PAK1: variants seen among roughly 807,000 people sequenced by gnomAD.
The protein encoded by PAK1 is p21 (RAC1) activated kinase 1.
PAK1 carries 29 observed loss-of-function variants against 67.4 expected under a neutral mutation model. That is an observed-to-expected ratio of 0.43 (90% CI 0.32 to 0.59). PAK1 has a LOEUF of 0.59. Ranked by LOEUF, PAK1 falls within the 20% of genes least tolerant of loss-of-function variation. The pLI, the probability that PAK1 is intolerant of heterozygous loss-of-function variation, is 0.07. For missense variants in PAK1, 337 were observed against 670.7 expected (o/e 0.50, Z 5.50); for synonymous variants, 223 against 237.4 (o/e 0.94, Z 0.56).
intron 1 of PAK1, among the ~76,000 whole-genome samples, chr11:77,407,530 G>GAGT: frequency 6.6e-6 from 1 of 152,220 alleles, no homozygotes; most frequent in Non-Finnish European, 1.5e-5. Flanking sequence ...AATTTTTCAC[G>GAGT]GCTTGAAAAT....
At position 77,355,808 on chromosome 11, in the gene PAK1, A is replaced by G; in HGVS notation, c.632T>C (p.Val211Ala). The change falls in exon 7 of 15, where the codon GTC becomes GCC. Residue 211 changes from valine (V) to alanine (A), a missense_variant. Val to Ala is a moderately conservative substitution (Grantham distance 64). This residue lies in a region of PAK1 where 150 missense variants were observed against 179.0 expected (regional missense o/e 0.84). Transcript: ENST00000356341. ...YTRSVIEPLP[V>A]TPTRDVATSP... ...TGTAGCCACGTCCCGAGTTGGAGTGACAGGAAGTGGTTCAATCACAGACCG... is the reference window on the plus strand; with the variant it reads ...TGTAGCCACGTCCCGAGTTGGAGTGGCAGGAAGTGGTTCAATCACAGACCG... 1 of 1,613,724 alleles carries G rather than the reference A, an allele frequency of 6.2e-7. No homozygotes were observed. The highest frequency in any genetic ancestry group is 1.3e-5 in the African/African-American group (1 of 75,008).
chr11:77,351,719 T>C (rs1380453479), intron 8 of PAK1, among the ~76,000 whole-genome samples: 4 of 152,006 alleles, frequency 2.6e-5, no homozygotes, highest in African/African-American at 9.7e-5. Flanking sequence ...TGCAATCTTT[T>C]ATTTTCAGAA....
At chr11:77,512,488 T>C in the PAK1 span, among the ~76,000 whole-genome samples, 1 of 152,050 alleles carries the variant, frequency 6.6e-6, no homozygotes. Flanking sequence ...GGAGTGGGGA[T>C]GGGAGCTAGT....
chr11:77,515,877 G>C, the PAK1 span, among the ~76,000 whole-genome samples: 14 of 152,254 alleles, frequency 9.2e-5, no homozygotes, highest in East Asian at 2.7e-3. Flanking sequence ...ACTTTCTGAT[G>C]TTAGAAAATT....
intron 2 of PAK1, among the ~76,000 whole-genome samples, chr11:77,388,454 C>T (rs1451102931): frequency 1.3e-5 from 2 of 152,172 alleles, no homozygotes; most frequent in Non-Finnish European, 2.9e-5. Context: ...CCTGGGTTCA[C>T]GCCATTCTCC....
chr11:77,381,333 T>C (rs778824943), intron 2 of PAK1, among the ~76,000 whole-genome samples: 7 of 152,200 alleles, frequency 4.6e-5, no homozygotes, highest in Non-Finnish European at 5.9e-5. Context: ...CAGTTAAGAT[T>C]CCTTCCTGAG....
At chr11:77,361,852 A>G (rs1008835111) in intron 5 of PAK1, among the ~76,000 whole-genome samples, 21 of 152,178 alleles carry the variant, frequency 1.4e-4, no homozygotes, top group Admixed American at 1.2e-3. Flanking sequence ...GTTCATACAT[A>G]TATACTAATA....
intron 14 of PAK1, 85 bp downstream of exon 14, chr11:77,332,645 A>T: frequency 9.2e-7 from 1 of 1,083,252 alleles, no homozygotes; most frequent in Non-Finnish European, 1.4e-6. Context: ...GTTCTATAAT[A>T]TCCAGTACCT....
chr11:77,423,696 G>A (rs926416318), intron 1 of PAK1, among the ~76,000 whole-genome samples: 1 of 152,138 alleles, frequency 6.6e-6, no homozygotes, highest in African/African-American at 2.4e-5. Flanking sequence ...TCTGCAAAAG[G>A]CCAAATAGTA....
chr11:77,341,509 G>A (rs913612687), intron 10 of PAK1, among the ~76,000 whole-genome samples: 1 of 152,186 alleles, frequency 6.6e-6, no homozygotes, highest in African/African-American at 2.4e-5. Context: ...TCCCCAGAGA[G>A]ATTATGGGCT....
chr11:77,468,951 C>T (rs746622768), intron 1 of PAK1, among the ~76,000 whole-genome samples: 11 of 152,098 alleles, frequency 7.2e-5, no homozygotes, highest in Middle Eastern at 3.4e-3. Flanking sequence ...AGGGCTGTTA[C>T]GAAGATTGAA....
chr11:77,399,746 C>G (rs1952369376), intron 1 of PAK1, among the ~76,000 whole-genome samples: 1 of 144,146 alleles, frequency 6.9e-6, no homozygotes, highest in African/African-American at 2.5e-5. Flanking sequence ...GTAGTCCCAG[C>G]TACTTGGGAG....
intron 1 of PAK1, among the ~76,000 whole-genome samples, chr11:77,448,003 A>G (rs1020625520): frequency 1.3e-5 from 2 of 152,182 alleles, no homozygotes; most frequent in Admixed American, 6.5e-5. Context: ...ACACATCTAC[A>G]TACTCAATTT....
intron 5 of PAK1, among the ~76,000 whole-genome samples, chr11:77,361,998 AG>A (rs1342260761): frequency 1.3e-5 from 2 of 152,030 alleles, no homozygotes; most frequent in Admixed American, 6.6e-5. Flanking sequence ...AAAACACTGT[AG>A]AACACAAATG....
intron 2 of PAK1, among the ~76,000 whole-genome samples, chr11:77,386,823 G>A (rs1307373941): frequency 6.6e-6 from 1 of 152,144 alleles, no homozygotes; most frequent in Non-Finnish European, 1.5e-5. Context: ...ACCCATGCTG[G>A]AGTACAGTGG....
intron 5 of PAK1, among the ~76,000 whole-genome samples, chr11:77,365,840 GAAAAAGA>G (rs796109367): frequency 1.2e-3 from 134 of 116,164 alleles, no homozygotes; most frequent in African/African-American, 4.8e-3. Flanking sequence ...CTCAGAAAAA[GAAAAAGA>G]AAAAAAAAAA....
the PAK1 span, among the ~76,000 whole-genome samples, chr11:77,511,572 C>T: frequency 1.3e-5 from 2 of 152,310 alleles, no homozygotes; most frequent in Middle Eastern, 6.8e-3. Flanking sequence ...TCCCAACACT[C>T]ATCTTACCAG....
At chr11:77,479,138 T>C (rs1406752040), upstream of PAK1, among the ~76,000 whole-genome samples, 1 of 151,088 alleles carries the variant, frequency 6.6e-6, no homozygotes, top group Non-Finnish European at 1.5e-5. Flanking sequence ...TTGTAATAGA[T>C]GCCACTGTTC....
intron 14 of PAK1, among the ~76,000 whole-genome samples, chr11:77,331,907 A>C (rs776703965): frequency 6.6e-6 from 1 of 152,182 alleles, no homozygotes; most frequent in Non-Finnish European, 1.5e-5. Context: ...TCCCAGCAAA[A>C]TATAAGTTGT....
Sources: gnomAD v4.1 joint callset for allele counts (sites outside exome capture counted in the v4.1 genomes callset) on GRCh38, gnomAD v4.1.1 for gene constraint, gnomAD v4.1.1 regional missense constraint, MANE v1.5 for transcripts, NCBI Gene and HGNC (gene_info 2026-07-23, HGNC 2026-07-21) for gene names.